Variants in UIMC1 observed in about 807,000 individuals in gnomAD.
UIMC1 encodes BRCA1-A complex subunit RAP80.
A neutral mutation model predicts 84.9 loss-of-function variants in UIMC1; 42 were observed. The ratio of observed to expected loss-of-function variants is 0.49; its 90% CI spans 0.39 to 0.64. The LOEUF (loss-of-function observed/expected upper bound fraction) is 0.64. UIMC1 is among the 30% of genes least tolerant of loss of function. UIMC1 has a pLI of 0.00. For synonymous variants in UIMC1, 281 were observed against 293.0 expected (o/e 0.96, Z 0.42); for missense variants, 825 against 847.6 (o/e 0.97, Z 0.33).
At chr5:176,908,240 T>C (rs1006297428) in intron 12 of UIMC1, among the ~76,000 whole-genome samples, 2 of 152,004 alleles carry the variant, frequency 1.3e-5, no homozygotes, top group Admixed American at 6.6e-5. Context: ...TGGAAGAAAA[T>C]AGGCCAATAC....
intron 10 of UIMC1, among the ~76,000 whole-genome samples, chr5:176,912,905 T>G (rs1760442816): frequency 6.6e-6 from 1 of 152,170 alleles, no homozygotes; most frequent in Non-Finnish European, 1.5e-5. Context: ...TGACCTCAGG[T>G]GATCCACGTG....
chr5:176,938,337 C>A (rs1763971882), intron 10 of UIMC1, among the ~76,000 whole-genome samples: 1 of 151,254 alleles, frequency 6.6e-6, no homozygotes, highest in South Asian at 2.1e-4. Context: ...GGAACCAGCA[C>A]AATCACTAAC....
intron 1 of UIMC1, chr5:177,001,936 C>A (rs1163138513): frequency 8.1e-6 from 1 of 124,136 alleles, no homozygotes; most frequent in African/African-American, 3.2e-5. Context: ...GGCGACAGAG[C>A]GAGACTCTGT....
At chr5:177,003,475 A>G (rs1323282156) in intron 1 of UIMC1, among the ~76,000 whole-genome samples, 1 of 152,174 alleles carries the variant, frequency 6.6e-6, no homozygotes, top group African/African-American at 2.4e-5. Flanking sequence ...CAACAGGGTG[A>G]AACCCCGTCT....
intron 10 of UIMC1, among the ~76,000 whole-genome samples, chr5:176,922,360 GCTTT>G (rs1439966108): frequency 6.6e-6 from 1 of 152,188 alleles, no homozygotes; most frequent in Non-Finnish European, 1.5e-5. Flanking sequence ...ACTCAGAGGG[GCTTT>G]CTAAGTTGAG....
Position 176,968,603 on chromosome 5 carries a change from C to T in UIMC1, c.1152G>A (p.Leu384=). ...KDFQESSIKS[L]KEKLLLEEEP... is the part of the protein sequence containing the mutation. ...CTTCCTCCAACAAAAGTTTCTCTTTCAAGCTTTTAATTGAGCTTTCCTGGA... is the reference window on the plus strand; with the variant it reads ...CTTCCTCCAACAAAAGTTTCTCTTTTAAGCTTTTAATTGAGCTTTCCTGGA... The change falls in exon 6 of 15, where the codon TTG becomes TTA. Residue 384 remains leucine (L), a synonymous_variant. Transcript: ENST00000511320. The T allele has an allele frequency of 6.2e-7, 1 of 1,613,340 alleles. No homozygotes were observed. Among genetic ancestry groups the T allele is most frequent in the Non-Finnish European group, 8.5e-7 (1 of 1,179,770 alleles).
rs144174249 is a variant in UIMC1, at chr5:176,981,082, T to C, written c.147+1387A>G. 9.1e-3 allele frequency among the ~76,000 whole-genome samples: 1,384 copies of C among 152,104 alleles called. 7 individuals are homozygous for C. Among genetic ancestry groups the C allele is most frequent in the South Asian group, 0.025 (121 of 4,822 alleles). On this transcript the variant is annotated intron_variant, in intron 2 of 14. Coordinates refer to ENST00000511320, the MANE Select transcript of UIMC1 (RefSeq NM_001199298.2). The stretch of plus-strand genomic sequence containing the variant: ...TCTCTATACGCTTATGCCTTTAAAA[T>C]GAACTATGTAGATAAAAGTCCTAAT...
At chr5:176,944,648 T>C (rs1310313358) in intron 9 of UIMC1, among the ~76,000 whole-genome samples, 3 of 152,204 alleles carry the variant, frequency 2.0e-5, no homozygotes, top group Non-Finnish European at 4.4e-5. Context: ...CTTCAATGCA[T>C]AGAAAATGTG....
chr5:176,923,180 A>T (rs1421600111), intron 10 of UIMC1, among the ~76,000 whole-genome samples: 1 of 152,278 alleles, frequency 6.6e-6, no homozygotes, highest in Non-Finnish European at 1.5e-5. Flanking sequence ...CTATTAGAAT[A>T]AGATTATCAA....
intron 2 of UIMC1, among the ~76,000 whole-genome samples, chr5:176,977,943 A>G (rs1217166284): frequency 6.6e-6 from 1 of 151,902 alleles, no homozygotes; most frequent in Non-Finnish European, 1.5e-5. Context: ...AAAAATAATA[A>G]CAAAACAAAA....
chr5:176,926,566 G>C (rs1218756964), intron 10 of UIMC1, among the ~76,000 whole-genome samples: 1 of 152,022 alleles, frequency 6.6e-6, no homozygotes, highest in East Asian at 1.9e-4. Context: ...GAGCCCAGGA[G>C]TTCAAGGTTA....
chr5:176,906,495 C>T (rs911599527), intron 13 of UIMC1, among the ~76,000 whole-genome samples: 1 of 152,222 alleles, frequency 6.6e-6, no homozygotes, highest in Non-Finnish European at 1.5e-5. Flanking sequence ...AGCTCCTCTT[C>T]CATCCACATC....
At chr5:177,009,866 C>A (rs1441936671), upstream of UIMC1, among the ~76,000 whole-genome samples, 1 of 152,122 alleles carries the variant, frequency 6.6e-6, no homozygotes, top group Non-Finnish European at 1.5e-5. This position sits in a 1 kb window ranked among gnomAD's most constrained non-coding sequence, Gnocchi z 4.3. Flanking sequence ...GAAACCCCGT[C>A]TCTACTAAAA....
intron 10 of UIMC1, among the ~76,000 whole-genome samples, chr5:176,912,786 C>T (rs1760423991): frequency 6.6e-6 from 1 of 152,098 alleles, no homozygotes; most frequent in Admixed American, 6.5e-5. Context: ...CTGCCTCAGC[C>T]TCCTGAGTAG....
chr5:176,977,241 A>AAAAAAAAAG (rs758737146), intron 2 of UIMC1, among the ~76,000 whole-genome samples: 20 of 147,168 alleles, frequency 1.4e-4, no homozygotes, highest in South Asian at 4.3e-4. Flanking sequence ...AAAAAAAAAA[A>AAAAAAAAAG]GAGAGAGAGA....
At chr5:176,917,534 T>G (rs1443699957) in intron 10 of UIMC1, among the ~76,000 whole-genome samples, 1 of 152,110 alleles carries the variant, frequency 6.6e-6, no homozygotes, top group African/African-American at 2.4e-5. Flanking sequence ...ATTACACCAC[T>G]GCACTCCAGC....
intron 10 of UIMC1, among the ~76,000 whole-genome samples, chr5:176,934,473 T>C (rs1259045427): frequency 2.0e-5 from 3 of 152,138 alleles, no homozygotes; most frequent in African/African-American, 7.2e-5. Flanking sequence ...CTTGAAACCG[T>C]GAATCAAGCC....
chr5:176,996,887 C>T (rs1717667644), intron 1 of UIMC1, among the ~76,000 whole-genome samples: 1 of 152,128 alleles, frequency 6.6e-6, no homozygotes, highest in African/African-American at 2.4e-5. Context: ...CAGGAAGCTC[C>T]ATGAAATAAG....
intron 9 of UIMC1, among the ~76,000 whole-genome samples, chr5:176,950,031 G>T (rs904623989): frequency 6.0e-5 from 9 of 149,948 alleles, no homozygotes; most frequent in Non-Finnish European, 8.9e-5. Context: ...CTCCAGCCTG[G>T]CAGACAAGAG....
Sources: gnomAD v4.1 joint callset for allele counts (sites outside exome capture counted in the v4.1 genomes callset) on GRCh38, gnomAD v4.1.1 for gene constraint, Gnocchi (gnomAD v3.1) non-coding constraint, MANE v1.5 for transcripts, NCBI Gene and HGNC (gene_info 2026-07-23, HGNC 2026-07-21) for gene names.